Variants in PHACTR3 observed in about 807,000 individuals in gnomAD.
PHACTR3 encodes the protein phosphatase and actin regulator 3.
Under a neutral mutation model 66.8 loss-of-function variants are expected in PHACTR3, and 16 were observed. The ratio of observed to expected loss-of-function variants is 0.24; its 90% CI spans 0.16 to 0.36. The LOEUF (loss-of-function observed/expected upper bound fraction) is 0.36, where lower values mean the gene tolerates loss of function less well. PHACTR3 is among the 10% of genes least tolerant of loss of function. The probability of loss-of-function intolerance (pLI) is 1.00; values close to 1 mark genes in which losing one functional copy is unlikely to be tolerated. For synonymous variants in PHACTR3, 323 were observed against 292.1 expected (o/e 1.11, Z -1.08); for missense variants, 647 against 719.9 (o/e 0.90, Z 1.16).
At chr20:59,651,162 C>T (rs976686651) in intron 1 of PHACTR3, among the ~76,000 whole-genome samples, 1 of 152,134 alleles carries the variant, frequency 6.6e-6, no homozygotes, top group African/African-American at 2.4e-5. Context: ...GAGTTCGAGG[C>T]TGCAGTGAGC....
At chr20:59,638,186 T>C (rs2034961327) in intron 1 of PHACTR3, among the ~76,000 whole-genome samples, 1 of 152,184 alleles carries the variant, frequency 6.6e-6, no homozygotes, top group Admixed American at 6.5e-5. Context: ...AGTGCTCTTG[T>C]AGTACTTAGA....
chr20:59,656,871 T>G (rs1032417987), intron 1 of PHACTR3, among the ~76,000 whole-genome samples: 1 of 152,028 alleles, frequency 6.6e-6, no homozygotes, highest in Non-Finnish European at 1.5e-5. Context: ...AGATTCATAC[T>G]AACTTAATTT....
At chr20:59,804,972 C>T (rs2041519828) in intron 7 of PHACTR3, among the ~76,000 whole-genome samples, 1 of 152,156 alleles carries the variant, frequency 6.6e-6, no homozygotes, top group Admixed American at 6.5e-5. Context: ...GGAATTAAAT[C>T]CCGGCCCAAA....
intron 1 of PHACTR3, among the ~76,000 whole-genome samples, chr20:59,740,246 T>G (rs951601908): frequency 6.6e-6 from 1 of 152,204 alleles, no homozygotes; most frequent in African/African-American, 2.4e-5. Flanking sequence ...ACATGGATGA[T>G]AACATGAACT....
intron 1 of PHACTR3, among the ~76,000 whole-genome samples, chr20:59,688,386 A>G (rs1352722289): frequency 6.6e-6 from 1 of 152,206 alleles, no homozygotes; most frequent in East Asian, 1.9e-4. Flanking sequence ...CTGGTGGAAC[A>G]GCATTAAGGA....
At chr20:59,656,992 A>G (rs2035639217) in intron 1 of PHACTR3, among the ~76,000 whole-genome samples, 1 of 152,018 alleles carries the variant, frequency 6.6e-6, no homozygotes, top group Non-Finnish European at 1.5e-5. Context: ...TTTACAATAC[A>G]TTGTTACAAT....
chr20:59,821,974 T>TCCCACCCCTTCC (rs1568855940), intron 8 of PHACTR3, among the ~76,000 whole-genome samples: 3 of 58,674 alleles, frequency 5.1e-5, no homozygotes, highest in African/African-American at 3.1e-4. Flanking sequence ...CTACCCTTTC[T>TCCCACCCCTTCC]GCAGCGATCC....
intron 1 of PHACTR3, among the ~76,000 whole-genome samples, chr20:59,700,600 T>C (rs2037466408): frequency 6.6e-6 from 1 of 152,180 alleles, no homozygotes. Context: ...ATTTTTGGTT[T>C]AGGTTCAAGC....
intron 1 of PHACTR3, among the ~76,000 whole-genome samples, chr20:59,584,995 G>T (rs368717868): frequency 6.6e-6 from 1 of 152,118 alleles, no homozygotes; most frequent in Non-Finnish European, 1.5e-5. Flanking sequence ...AGACACTGGG[G>T]ATCAAAACTT....
At chr20:59,785,638 C>T (rs2040878995) in intron 7 of PHACTR3, among the ~76,000 whole-genome samples, 1 of 152,154 alleles carries the variant, frequency 6.6e-6, no homozygotes, top group Non-Finnish European at 1.5e-5. Flanking sequence ...CCCTGCCCAG[C>T]TCCACGCTGA....
chr20:59,605,336 G>A (rs1443966485), intron 1 of PHACTR3, among the ~76,000 whole-genome samples: 4 of 152,230 alleles, frequency 2.6e-5, no homozygotes, highest in Admixed American at 2.0e-4. Context: ...CTGATTTCCT[G>A]GGTAGAGCCG....
chr20:59,582,628 A>G (rs2032894909), intron 1 of PHACTR3, among the ~76,000 whole-genome samples: 1 of 152,272 alleles, frequency 6.6e-6, no homozygotes. Flanking sequence ...TCCTCCAGAG[A>G]AGTGAAAATT....
intron 7 of PHACTR3, among the ~76,000 whole-genome samples, chr20:59,776,494 C>T (rs2040542247): frequency 7.3e-6 from 1 of 136,412 alleles, no homozygotes; most frequent in Admixed American, 7.9e-5. Flanking sequence ...TCTTCCTGTC[C>T]TCACCAGCCA....
chr20:59,707,876 A>G (rs73142840), intron 1 of PHACTR3, among the ~76,000 whole-genome samples: 1 of 152,078 alleles, frequency 6.6e-6, no homozygotes, highest in Non-Finnish European at 1.5e-5. Flanking sequence ...TATTTCTTGT[A>G]CAGTCTGCAG....
chr20:59,781,504 C>G (rs886855875), intron 7 of PHACTR3, among the ~76,000 whole-genome samples: 1 of 152,206 alleles, frequency 6.6e-6, no homozygotes, highest in Non-Finnish European at 1.5e-5. Context: ...GTCAGGTTGT[C>G]CTGGGGGCGG....
intron 3 of PHACTR3, 112 bp from the exon 4 acceptor site, chr20:59,755,070 T>TG (rs960165440): frequency 1.3e-4 from 134 of 1,068,004 alleles, no homozygotes; most frequent in Middle Eastern, 9.5e-4. Context: ...GGGAGAGGGG[T>TG]GGGGGACCAC....
At chr20:59,596,333 G>T (rs1600881968) in intron 1 of PHACTR3, among the ~76,000 whole-genome samples, 1 of 152,278 alleles carries the variant, frequency 6.6e-6, no homozygotes, top group Middle Eastern at 3.4e-3. Flanking sequence ...GTAGAGACAG[G>T]CTTTCACCAT....
chr20:59,758,749 C>T (rs1336615182), intron 4 of PHACTR3, among the ~76,000 whole-genome samples: 1 of 152,222 alleles, frequency 6.6e-6, no homozygotes, highest in Non-Finnish European at 1.5e-5. Context: ...ATGTCTTTGA[C>T]ATCAGGCCGA....
chr20:59,769,000 A>C (rs1369535960), intron 5 of PHACTR3, among the ~76,000 whole-genome samples: 2 of 152,104 alleles, frequency 1.3e-5, no homozygotes, highest in Non-Finnish European at 2.9e-5. Context: ...GGGTGGGTGG[A>C]GGGATGAGTG....
Sources: gnomAD v4.1 joint callset for allele counts (sites outside exome capture counted in the v4.1 genomes callset) on GRCh38, gnomAD v4.1.1 for gene constraint, MANE v1.5 for transcripts, NCBI Gene and HGNC (gene_info 2026-07-23, HGNC 2026-07-21) for gene names.